The following ADAM32 variants were observed in gnomAD, a reference collection of about 807,000 sequenced individuals.
ADAM32 encodes disintegrin and metalloproteinase domain-containing protein 32.
In ADAM32, 89 loss-of-function variants were observed where a neutral mutation model predicts 114.9. The observed-to-expected ratio is 0.77, with a 90% confidence interval of 0.65 to 0.92. The LOEUF is 0.92. Ranked by LOEUF, ADAM32 falls within the 40% of genes least tolerant of loss-of-function variation. The pLI is 0.00. For synonymous variants in ADAM32, 285 were observed against 307.5 expected (o/e 0.93, Z 0.77); for missense variants, 870 against 932.8 (o/e 0.93, Z 0.88).
chr8:39,239,251 TG>T (rs1810396025), intron 16 of ADAM32, among the ~76,000 whole-genome samples: 1 of 152,158 alleles, frequency 6.6e-6, no homozygotes, highest in Non-Finnish European at 1.5e-5. Context: ...CTAGAAGGGA[TG>T]GGGATCCTAT....
intron 6 of ADAM32, chr8:39,157,651 A>G: frequency 1.5e-6 from 1 of 658,546 alleles, no homozygotes; most frequent in Non-Finnish European, 2.8e-6. Context: ...CAATGAACTT[A>G]AGGTCAGTCT....
intron 5 of ADAM32, among the ~76,000 whole-genome samples, chr8:39,150,766 T>A (rs996258713): frequency 9.2e-5 from 14 of 152,196 alleles, no homozygotes; most frequent in Admixed American, 5.2e-4. Flanking sequence ...AGAAAAATAG[T>A]GATACAAGTC....
intron 11 of ADAM32, among the ~76,000 whole-genome samples, chr8:39,198,426 G>A (rs1807158268): frequency 6.6e-6 from 1 of 152,032 alleles, no homozygotes; most frequent in African/African-American, 2.4e-5. Flanking sequence ...CACTCAGGCT[G>A]GAGTGAAGTG....
In ADAM32 at chr8:39,283,714, C is replaced by T. The variant is rs28428625; in HGVS notation, c.2357+90C>T. The T allele has an allele frequency of 0.024, 24,799 of 1,013,416 alleles. 3,567 individuals carry two copies. In the African/African-American group the frequency reaches 0.34, roughly 14 times the overall value. The allele number at this position is 1,013,416 out of a possible 1,614,324, so 62.8% of individuals were successfully genotyped here. A position where few individuals can be genotyped will look rare whatever the true frequency, so the allele number is the denominator to read the frequency against. On this transcript the variant is annotated intron_variant, in intron 24 of 24. Transcript: ENST00000379907. ...TCCACTATTAATTCCTAAGTATGGA[C>T]TGGGTAGATGAATTGGTAAAGTACT...
chr8:39,161,902 G>A (rs1804529848), intron 7 of ADAM32, among the ~76,000 whole-genome samples: 1 of 151,564 alleles, frequency 6.6e-6, no homozygotes, highest in South Asian at 2.1e-4. Context: ...GGAATATTTT[G>A]GATTTTGAAA....
At chr8:39,230,513 T>A (rs1809668953) in intron 14 of ADAM32, among the ~76,000 whole-genome samples, 2 of 152,186 alleles carry the variant, frequency 1.3e-5, no homozygotes, top group Non-Finnish European at 2.9e-5. Context: ...CTAAACTGAA[T>A]TTTCAAATTC....
intron 2 of ADAM32, among the ~76,000 whole-genome samples, chr8:39,135,180 G>A (rs918322095): frequency 1.3e-5 from 2 of 152,032 alleles, no homozygotes; most frequent in East Asian, 3.9e-4. Flanking sequence ...AACAAAAAAC[G>A]ATAAAGATGC....
Position 39,122,734 on chromosome 8 carries a change from G to A in ADAM32, c.138+4569G>A, listed in dbSNP as rs1032413602. On this transcript the variant is annotated intron_variant, in intron 2 of 24. Coordinates refer to ENST00000379907, the MANE Select transcript of ADAM32 (RefSeq NM_145004.7). ...TGGAATTACAGGCATGTGCCACCAC[G>A]CTTGGCTATTTTTTGGTAGAGATGG... 5.3e-5 allele frequency among the ~76,000 whole-genome samples: 8 copies of A among 152,056 alleles called. No homozygotes were observed. The East Asian group carries it at 7.7e-4, about 15-fold the overall frequency.
At chr8:39,252,357 G>A (rs1309287350) in intron 17 of ADAM32, among the ~76,000 whole-genome samples, 1 of 150,216 alleles carries the variant, frequency 6.7e-6, no homozygotes, top group Non-Finnish European at 1.5e-5. Context: ...ACAACCATTG[G>A]GCTAAACAAC....
chr8:39,217,425 T>G (rs545770464), intron 12 of ADAM32, among the ~76,000 whole-genome samples: 1 of 152,232 alleles, frequency 6.6e-6, no homozygotes, highest in Non-Finnish European at 1.5e-5. Context: ...GTAGTTATGT[T>G]ATTATATTTT....
chr8:39,118,077 T>A lies in ADAM32; in HGVS notation c.59-9T>A, dbSNP rs1156452686. 2.1e-6 allele frequency: 3 copies of A among 1,410,840 alleles called. No individual in the cohort carries two copies. The highest frequency in any genetic ancestry group is 1.9e-6 in the Non-Finnish European group (2 of 1,059,902). The allele number at this position is 1,410,840 out of a possible 1,614,324, so 87.4% of individuals were successfully genotyped here. A position where few individuals can be genotyped will look rare whatever the true frequency, so the allele number is the denominator to read the frequency against. ...GGTTACTAACTTTTTTTTTTTTTTA[T>A]CTCTTCAGGTTTTCAAAATTCACTT... On this transcript the variant is annotated splice_polypyrimidine_tract_variant and intron_variant, in intron 1 of 24. Coordinates refer to ENST00000379907, the MANE Select transcript of ADAM32 (RefSeq NM_145004.7).
chr8:39,276,182 G>A, intron 22 of ADAM32: 1 of 240,478 alleles, frequency 4.2e-6, no homozygotes, highest in Non-Finnish European at 7.9e-6. Context: ...TTTTCTTGGA[G>A]TACACCAAGG....
intron 6 of ADAM32, among the ~76,000 whole-genome samples, chr8:39,156,033 A>G (rs1280191562): frequency 1.3e-5 from 2 of 152,212 alleles, no homozygotes; most frequent in African/African-American, 2.4e-5. Flanking sequence ...TGATAATACA[A>G]TGTACAAGCT....
intron 19 of ADAM32, among the ~76,000 whole-genome samples, chr8:39,266,744 AG>A (rs1812384920): frequency 6.6e-6 from 1 of 152,160 alleles, no homozygotes; most frequent in Admixed American, 6.5e-5. Context: ...GAGTTGTCAG[AG>A]TTCTTGCATT....
chr8:39,207,298 G>C (rs774671503), intron 11 of ADAM32, among the ~76,000 whole-genome samples: 7 of 151,976 alleles, frequency 4.6e-5, no homozygotes, highest in Non-Finnish European at 1.0e-4. Flanking sequence ...AAAGTGCCAG[G>C]CTCCCCTACT....
At chr8:39,261,574 T>C (rs950454535) in intron 19 of ADAM32, among the ~76,000 whole-genome samples, 1 of 152,224 alleles carries the variant, frequency 6.6e-6, no homozygotes, top group African/African-American at 2.4e-5. Context: ...AAATACCCAG[T>C]GGTGTGATTG....
chr8:39,202,127 C>T (rs181978226), intron 11 of ADAM32, among the ~76,000 whole-genome samples: 63 of 152,136 alleles, frequency 4.1e-4, no homozygotes, highest in African/African-American at 1.2e-3. Context: ...GGTATCAGGA[C>T]GATGCTGGCC....
At chr8:39,120,288 G>A (rs996487913) in intron 2 of ADAM32, among the ~76,000 whole-genome samples, 9 of 152,168 alleles carry the variant, frequency 5.9e-5, no homozygotes, top group Non-Finnish European at 8.8e-5. Context: ...GAAGACTGGT[G>A]AAGTACATGC....
Position 39,284,818 on chromosome 8 carries a change from A to G in ADAM32, c.*19A>G. 6.2e-7 allele frequency: 1 copy of G among 1,613,486 alleles called. No individual in the cohort carries two copies. The highest frequency in any genetic ancestry group is 8.5e-7 in the Non-Finnish European group (1 of 1,179,510). ...TAACTAGTGATTCCTTCAGAAGGCA[A>G]CGGATAACATCGAGAGTCTCGCTAA... On this transcript the variant is annotated 3_prime_UTR_variant, in exon 25 of 25. Transcript: ENST00000379907.
Sources: gnomAD v4.1 joint callset for allele counts (sites outside exome capture counted in the v4.1 genomes callset) on GRCh38, gnomAD v4.1.1 for gene constraint, MANE v1.5 for transcripts, NCBI Gene and HGNC (gene_info 2026-07-23, HGNC 2026-07-21) for gene names.